The following DLC1 variants were observed in gnomAD, a reference collection of about 807,000 sequenced individuals.
The protein encoded by DLC1 is DLC1 Rho GTPase activating protein.
A neutral mutation model predicts 140.3 loss-of-function variants in DLC1; 54 were observed. That is an observed-to-expected ratio of 0.38 (90% CI 0.31 to 0.48). The LOEUF (loss-of-function observed/expected upper bound fraction) is 0.48, where lower values mean the gene tolerates loss of function less well. Among genes scored for constraint, DLC1 ranks in the 20% least tolerant of loss-of-function variants. DLC1 has a pLI of 0.96. For synonymous variants in DLC1, 986 were observed against 728.1 expected (o/e 1.35, Z -5.70); for missense variants, 2,536 against 1,907.0 (o/e 1.33, Z -6.14).
chr8:13,330,373 G>T (rs1266918287), intron 4 of DLC1, among the ~76,000 whole-genome samples: 1 of 152,210 alleles, frequency 6.6e-6, no homozygotes, highest in Non-Finnish European at 1.5e-5. Context: ...GTACACACAT[G>T]TTTTGATTTT....
chr8:13,210,109 A>C (rs1827867989), intron 5 of DLC1, among the ~76,000 whole-genome samples: 2 of 152,294 alleles, frequency 1.3e-5, no homozygotes, highest in African/African-American at 2.4e-5. Flanking sequence ...TTCTATAGTT[A>C]AATGCTACTG....
chr8:13,127,208 C>T (rs1404968674), intron 5 of DLC1, among the ~76,000 whole-genome samples: 1 of 152,198 alleles, frequency 6.6e-6, no homozygotes, highest in Non-Finnish European at 1.5e-5. Context: ...AATGAATGAA[C>T]AGAAATTAAT....
chr8:13,308,750 A>G (rs544301077), intron 4 of DLC1, among the ~76,000 whole-genome samples: 1 of 152,322 alleles, frequency 6.6e-6, no homozygotes, highest in Admixed American at 6.5e-5. Context: ...GTCATTAAAA[A>G]GAGTGCGAAG....
intron 2 of DLC1, among the ~76,000 whole-genome samples, chr8:13,450,806 C>T (rs1422830406): frequency 4.0e-5 from 6 of 151,562 alleles, no homozygotes; most frequent in Admixed American, 6.6e-5. Context: ...TTCGGGAGGC[C>T]GAGGTGGGCG....
chr8:13,382,529 A>AAAAAAAGAAAG lies in DLC1; in HGVS notation c.1314+11023_1314+11024insCTTTCTTTTTT, dbSNP rs557423876. Among the ~76,000 whole-genome samples, 110 of 109,450 alleles carry AAAAAAAGAAAG rather than the reference A, an allele frequency of 1.0e-3. 10 individuals are homozygous for AAAAAAAGAAAG. Among genetic ancestry groups the AAAAAAAGAAAG allele is most frequent in the African/African-American group, 1.4e-3 (40 of 28,200 alleles). 71.8% of individuals were successfully genotyped at this position (109,450 alleles called of 152,430 possible). ...TCAAAAAAAAAAAAAAAAAAAAAAA[A>AAAAAAAGAAAG]AAAGAAAGAGGAGACAGATAAGCTA... On this transcript the variant is annotated intron_variant, in intron 4 of 17. Transcript: ENST00000276297.
At chr8:13,317,611 A>G (rs1176922329) in intron 4 of DLC1, among the ~76,000 whole-genome samples, 1 of 152,086 alleles carries the variant, frequency 6.6e-6, no homozygotes, top group Non-Finnish European at 1.5e-5. Context: ...TAAAGATCGC[A>G]TCTGTATTGG....
intron 5 of DLC1, among the ~76,000 whole-genome samples, chr8:13,168,205 G>GACAGCACAA (rs1221090818): frequency 2.6e-5 from 4 of 152,256 alleles, no homozygotes; most frequent in East Asian, 3.9e-4. Context: ...GAGTGAAGAA[G>GACAGCACAA]ACAGCACAAA....
Position 13,500,232 on chromosome 8 carries a change from T to TA in DLC1, c.-125-37dup, listed in dbSNP as rs1241496610. On this transcript the variant is annotated intron_variant, in intron 1 of 17. Coordinates refer to ENST00000276297, the MANE Select transcript of DLC1 (RefSeq NM_182643.3). ...ATTCAAAAAAATATGTAGTCGCAGA[T>TA]ACGTTTCTAAAGTCAAAATATATCT... The TA allele has an allele frequency of 8.2e-6, 5 of 607,406 alleles. No homozygotes were observed. The African/African-American group carries it at 9.2e-5, about 11-fold the overall frequency. 37.6% of individuals were successfully genotyped at this position (607,406 alleles called of 1,614,324 possible).
intron 1 of DLC1, among the ~76,000 whole-genome samples, chr8:13,539,560 A>G (rs1030159912): frequency 1.3e-5 from 2 of 152,154 alleles, no homozygotes; most frequent in Admixed American, 6.5e-5. Flanking sequence ...CTTTAAGAAC[A>G]GGAGGCGCAG....
chr8:13,119,312 C>T (rs1820838804), intron 5 of DLC1, among the ~76,000 whole-genome samples: 1 of 151,966 alleles, frequency 6.6e-6, no homozygotes, highest in African/African-American at 2.4e-5. Context: ...AATTGTTCAG[C>T]TCCCTGTACC....
At chr8:13,466,763 T>G (rs1799962036) in intron 2 of DLC1, among the ~76,000 whole-genome samples, 1 of 152,214 alleles carries the variant, frequency 6.6e-6, no homozygotes, top group African/African-American at 2.4e-5. Context: ...ACCAAAGTTC[T>G]ATGTACATTA....
intron 2 of DLC1, among the ~76,000 whole-genome samples, chr8:13,486,433 T>A (rs1179377897): frequency 6.6e-6 from 1 of 152,168 alleles, no homozygotes; most frequent in South Asian, 2.1e-4. Context: ...AATATTAGGT[T>A]TGTGTTACAT....
At chr8:13,466,859 A>G (rs1289850475) in intron 2 of DLC1, among the ~76,000 whole-genome samples, 1 of 152,170 alleles carries the variant, frequency 6.6e-6, no homozygotes. Context: ...ATAATGAGGT[A>G]CCGTTTTACA....
chr8:13,449,594 C>G (rs924779178), intron 2 of DLC1, among the ~76,000 whole-genome samples: 3 of 150,954 alleles, frequency 2.0e-5, no homozygotes, highest in Non-Finnish European at 4.4e-5. Context: ...ACTGCATGTT[C>G]TCACTCATAG....
rs542213717 is a variant in DLC1 at position 13,362,670 on chromosome 8, G to A, written c.1314+30883C>T. On this transcript the variant is annotated intron_variant, in intron 4 of 17. Coordinates refer to ENST00000276297, the MANE Select transcript of DLC1 (RefSeq NM_182643.3). ...TATAAACAAGGGGGGTGTGGAAGAG[G>A]GAAGGGGAACTTGTATTATATTTAC... is the stretch of plus-strand genomic sequence containing the variant. Among the ~76,000 whole-genome samples, 156 of 151,916 alleles carry A rather than the reference G, an allele frequency of 1.0e-3. 3 individuals are homozygous for A. Among genetic ancestry groups the A allele is most frequent in the Non-Finnish European group, 5.3e-4 (36 of 68,002 alleles).
rs753183905 is a variant in DLC1 at position 13,100,242 on chromosome 8, A to G, written c.2095T>C (p.Leu699=). 3.7e-6 allele frequency: 6 copies of G among 1,614,064 alleles called. No individual in the cohort carries two copies. The African/African-American group carries it at 6.7e-5, about 18-fold the overall frequency. The change falls in exon 9 of 18, where the codon TTG becomes CTG. Residue 699 remains leucine, a synonymous_variant. Transcript: ENST00000276297. ...KLGLIISGPI[L]QEGMDEEKLK... The stretch of plus-strand genomic sequence containing the variant: ...TTCTCCTCATCCATCCCCTCTTGCA[A>G]GATGGGCCCGCTGATGATCAACCCC...
intron 6 of DLC1, among the ~76,000 whole-genome samples, chr8:13,113,834 C>T (rs906786087): frequency 2.0e-5 from 3 of 152,174 alleles, no homozygotes; most frequent in African/African-American, 7.2e-5. Context: ...AATGAAGAAA[C>T]AGTAAGATAT....
intron 4 of DLC1, among the ~76,000 whole-genome samples, chr8:13,336,814 A>T (rs773838897): frequency 6.6e-6 from 1 of 152,196 alleles, no homozygotes; most frequent in East Asian, 1.9e-4. Flanking sequence ...CCACCCAAAT[A>T]TAAATGGATA....
At chr8:13,296,005 T>G (rs1831937281) in intron 5 of DLC1, among the ~76,000 whole-genome samples, 1 of 123,930 alleles carries the variant, frequency 8.1e-6, no homozygotes, top group African/African-American at 3.1e-5. Context: ...CAGGCTGGAG[T>G]GCAGTAGGGC....
Sources: allele counts gnomAD v4.1 joint callset (sites outside exome capture counted in the v4.1 genomes callset), GRCh38; gene constraint gnomAD v4.1.1; transcripts MANE v1.5; gene names NCBI Gene and HGNC (gene_info 2026-07-23, HGNC 2026-07-21).